SPAG16: variants seen among roughly 807,000 people sequenced by gnomAD.
SPAG16 encodes the protein sperm-associated antigen 16 protein.
A neutral mutation model predicts 80.4 loss-of-function variants in SPAG16; 86 were observed. The observed-to-expected ratio is 1.07, with a 90% CI of 0.90 to 1.28. SPAG16 has a LOEUF of 1.28. Ranked by LOEUF, SPAG16 falls within the 50% of genes most tolerant of loss-of-function variation. The pLI, the probability that SPAG16 is intolerant of heterozygous loss-of-function variation, is 0.00. For missense variants in SPAG16, 870 were observed against 765.3 expected, an observed-to-expected ratio of 1.14 and a Z score of -1.61; for synonymous variants, 294 against 265.9, an observed-to-expected ratio of 1.11 and a Z score of -1.03.
chr2:213,943,563 T>C (rs10177031), intron 12 of SPAG16, among the ~76,000 whole-genome samples: 49,991 of 152,018 alleles, frequency 0.33, 8,953 homozygotes, highest in South Asian at 0.47. Context: ...CATGTTCTAG[T>C]ATTTTATGGA....
intron 12 of SPAG16, among the ~76,000 whole-genome samples, chr2:213,994,768 A>G (rs1014275775): frequency 6.6e-6 from 1 of 152,124 alleles, no homozygotes; most frequent in African/African-American, 2.4e-5. Flanking sequence ...CTTTCCTTAA[A>G]TGTATCAATG....
intron 5 of SPAG16, among the ~76,000 whole-genome samples, chr2:213,339,246 A>T (rs2064549635): frequency 6.6e-6 from 1 of 152,166 alleles, no homozygotes; most frequent in Admixed American, 6.5e-5. Context: ...GTTCGTGTGC[A>T]TTTATTTTAT....
chr2:213,628,669 T>C (rs557999173), intron 10 of SPAG16, among the ~76,000 whole-genome samples: 1 of 152,346 alleles, frequency 6.6e-6, no homozygotes, highest in Non-Finnish European at 1.5e-5. Flanking sequence ...TTGAAAAGTT[T>C]GCATTCTTTA....
At chr2:213,810,466 A>T (rs2072063110) in intron 10 of SPAG16, among the ~76,000 whole-genome samples, 1 of 152,202 alleles carries the variant, frequency 6.6e-6, no homozygotes, top group African/African-American at 2.4e-5. Flanking sequence ...AGAAGATAAG[A>T]CATTATAAGA....
chr2:213,405,106 G>A (rs1252281145), intron 9 of SPAG16, among the ~76,000 whole-genome samples: 2 of 152,090 alleles, frequency 1.3e-5, no homozygotes, highest in African/African-American at 2.4e-5. Flanking sequence ...TTTCACTACT[G>A]TCGAGTGTAA....
Position 214,138,693 on chromosome 2 carries a change from T to G in SPAG16, c.1594-10447T>G, listed in dbSNP as rs907614750. 1.1e-4 allele frequency among the ~76,000 whole-genome samples: 17 copies of G among 152,148 alleles called. 1 individual carries two copies. The highest frequency in any genetic ancestry group is 4.4e-5 in the Non-Finnish European group (3 of 68,020). On this transcript the variant is annotated intron_variant, in intron 14 of 15. Coordinates refer to ENST00000331683, the MANE Select transcript of SPAG16 (RefSeq NM_024532.5). The stretch of plus-strand genomic sequence containing the variant: ...ATTAGTTTCTTTATTGTACTAGACC[T>G]GAGCATCAGAAGGAAGATTACACAT...
chr2:213,726,022 C>G (rs1368121703), intron 10 of SPAG16, among the ~76,000 whole-genome samples: 1 of 152,180 alleles, frequency 6.6e-6, no homozygotes, highest in Admixed American at 6.5e-5. Context: ...TATTTACAGT[C>G]AATGCTCTGC....
chr2:214,030,808 C>G (rs1190300289), intron 13 of SPAG16, among the ~76,000 whole-genome samples: 2 of 152,176 alleles, frequency 1.3e-5, no homozygotes, highest in Non-Finnish European at 2.9e-5. Context: ...CTTCCCACCT[C>G]AAGGGTTTTC....
chr2:214,400,391 A>G (rs1322859432), intron 15 of SPAG16, among the ~76,000 whole-genome samples: 5 of 152,064 alleles, frequency 3.3e-5, no homozygotes, highest in African/African-American at 1.2e-4. Context: ...ATTCAAAAAA[A>G]AGTATAACAA....
chr2:213,898,949 G>C (rs541078682), intron 11 of SPAG16, among the ~76,000 whole-genome samples: 1 of 152,230 alleles, frequency 6.6e-6, no homozygotes, highest in Non-Finnish European at 1.5e-5. Context: ...GAGGTAATTA[G>C]TCAAAGGATA....
intron 12 of SPAG16, among the ~76,000 whole-genome samples, chr2:213,937,925 A>G (rs2079052512): frequency 6.6e-6 from 1 of 151,984 alleles, no homozygotes; most frequent in African/African-American, 2.4e-5. Flanking sequence ...AGGATTTTAA[A>G]ATTCATCCCT....
intron 10 of SPAG16, among the ~76,000 whole-genome samples, chr2:213,565,602 G>C (rs1440968592): frequency 6.6e-6 from 1 of 152,190 alleles, no homozygotes; most frequent in African/African-American, 2.4e-5. Context: ...AGGCTGGGTG[G>C]CTGAGCAGGA....
At chr2:213,761,599 C>T (rs1041521965) in intron 10 of SPAG16, among the ~76,000 whole-genome samples, 2 of 152,096 alleles carry the variant, frequency 1.3e-5, no homozygotes, top group African/African-American at 4.8e-5. Context: ...CGGTGGCTCA[C>T]GCCTGTAATC....
intron 13 of SPAG16, among the ~76,000 whole-genome samples, chr2:214,050,441 C>A (rs1175933558): frequency 6.6e-6 from 1 of 152,040 alleles, no homozygotes; most frequent in Non-Finnish European, 1.5e-5. Context: ...TCTGAGTGGT[C>A]TGATCTGAGC....
intron 10 of SPAG16, among the ~76,000 whole-genome samples, chr2:213,702,423 C>G (rs6435790): frequency 6.6e-6 from 1 of 151,938 alleles, no homozygotes; most frequent in African/African-American, 2.4e-5. Flanking sequence ...TAACACTCAC[C>G]GCGAAGGTCT....
intron 12 of SPAG16, among the ~76,000 whole-genome samples, chr2:213,949,179 T>TTTTTTTTTTTTTTTTTTTTTGTTTTTTG (rs1553677674): frequency 2.8e-5 from 1 of 36,242 alleles, no homozygotes; most frequent in African/African-American, 8.2e-5. Flanking sequence ...GTTTTTTTTT[T>TTTTTTTTTTTTTTTTTTTTTGTTTTTTG]TTTTTTTTTT....
At chr2:213,677,888 T>C (rs2125247362) in intron 10 of SPAG16, among the ~76,000 whole-genome samples, 1 of 152,038 alleles carries the variant, frequency 6.6e-6, no homozygotes, top group East Asian at 1.9e-4. Flanking sequence ...CCTCAGCAAA[T>C]GTAAAAGAAC....
At chr2:213,856,214 C>T (rs1559525451) in intron 10 of SPAG16, among the ~76,000 whole-genome samples, 1 of 152,128 alleles carries the variant, frequency 6.6e-6, no homozygotes, top group Non-Finnish European at 1.5e-5. Flanking sequence ...GTTAAAATTC[C>T]AAAATGTTCT....
At chr2:213,900,238 G>C (rs75709940) in intron 11 of SPAG16, among the ~76,000 whole-genome samples, 7 of 152,150 alleles carry the variant, frequency 4.6e-5, no homozygotes, top group Admixed American at 3.3e-4. Context: ...TGCATCACAG[G>C]GGGGATTTTT....
Sources: gnomAD v4.1 joint callset for allele counts (sites outside exome capture counted in the v4.1 genomes callset) on GRCh38, gnomAD v4.1.1 for gene constraint, MANE v1.5 for transcripts, NCBI Gene and HGNC (gene_info 2026-07-23, HGNC 2026-07-21) for gene names.